The following ALK variants were observed in gnomAD, a reference collection of about 807,000 sequenced individuals.
The protein encoded by ALK is ALK tyrosine kinase receptor.
A neutral mutation model predicts 163.1 loss-of-function variants in ALK; 74 were observed. The ratio of observed to expected loss-of-function variants is 0.45; its 90% confidence interval spans 0.38 to 0.55. The LOEUF is 0.55. Ranked by LOEUF, ALK falls within the 20% of genes least tolerant of loss-of-function variation. The pLI is 0.00. For synonymous variants in ALK, 960 were observed against 843.2 expected (o/e 1.14, Z -2.40); for missense variants, 2,063 against 2,105.3 (o/e 0.98, Z 0.39).
chr2:29,718,500 A>C (rs1354935240), intron 1 of ALK, among the ~76,000 whole-genome samples: 1 of 152,234 alleles, frequency 6.6e-6, no homozygotes. Context: ...TTGTTAAAGA[A>C]GGAAGGATTT....
intron 3 of ALK, among the ~76,000 whole-genome samples, chr2:29,546,106 ATGTC>A (rs1673546198): frequency 6.6e-6 from 1 of 152,200 alleles, no homozygotes; most frequent in African/African-American, 2.4e-5. Flanking sequence ...ATGTATATGT[ATGTC>A]TATGTGTGGA....
At chr2:29,537,585 A>G (rs1451677963) in intron 3 of ALK, among the ~76,000 whole-genome samples, 1 of 152,222 alleles carries the variant, frequency 6.6e-6, no homozygotes, top group Non-Finnish European at 1.5e-5. Flanking sequence ...TACTAGGTCC[A>G]TATCAAGGGA....
chr2:29,232,849 G>A (rs1057328734), intron 14 of ALK, among the ~76,000 whole-genome samples: 1 of 152,144 alleles, frequency 6.6e-6, no homozygotes, highest in Non-Finnish European at 1.5e-5. Flanking sequence ...GGGGTCTCTG[G>A]CTCTGACCCC....
intron 15 of ALK, among the ~76,000 whole-genome samples, chr2:29,230,378 T>C (rs1664163997): frequency 6.6e-6 from 1 of 151,852 alleles, no homozygotes; most frequent in African/African-American, 2.4e-5. Flanking sequence ...GGAGGTATTC[T>C]AAAAACCCTA....
chr2:29,530,658 G>T (rs1214036362), intron 4 of ALK, among the ~76,000 whole-genome samples: 2 of 152,214 alleles, frequency 1.3e-5, no homozygotes, highest in African/African-American at 4.8e-5. Context: ...TCCCATCCAG[G>T]CTTCTTACTG....
intron 4 of ALK, among the ~76,000 whole-genome samples, chr2:29,448,546 C>T: frequency 6.6e-6 from 1 of 152,284 alleles, no homozygotes; most frequent in East Asian, 1.9e-4. Flanking sequence ...CATCCTGGAA[C>T]AGCAGACACT....
At chr2:29,585,086 G>A (rs928246566) in intron 3 of ALK, among the ~76,000 whole-genome samples, 3 of 152,012 alleles carry the variant, frequency 2.0e-5, no homozygotes, top group African/African-American at 7.2e-5. Context: ...ATAGTAACTT[G>A]CTTATCTATG....
intron 3 of ALK, among the ~76,000 whole-genome samples, chr2:29,626,273 C>T (rs551107592): frequency 1.1e-4 from 16 of 152,126 alleles, no homozygotes; most frequent in Non-Finnish European, 2.4e-4. Flanking sequence ...TTGTAATAAT[C>T]CCCACATGTC....
At chr2:29,893,691 A>G (rs1667202499) in intron 1 of ALK, among the ~76,000 whole-genome samples, 2 of 152,142 alleles carry the variant, frequency 1.3e-5, no homozygotes, top group Admixed American at 6.6e-5. Flanking sequence ...AGGCTTCCAG[A>G]TGACTCAGTT....
intron 1 of ALK, among the ~76,000 whole-genome samples, chr2:29,919,727 G>A (rs1432781985): frequency 6.6e-6 from 1 of 152,154 alleles, no homozygotes; most frequent in African/African-American, 2.4e-5. Context: ...CAGCGTATAA[G>A]TCCAGAGAAG....
At chr2:29,660,709 A>G (rs754805246) in intron 3 of ALK, among the ~76,000 whole-genome samples, 2 of 151,944 alleles carry the variant, frequency 1.3e-5, no homozygotes, top group Non-Finnish European at 1.5e-5. Context: ...CAGAAGAGTG[A>G]GTAGAGGCAA....
At chr2:29,396,855 T>TTTTTTTTG (rs1430231369) in intron 4 of ALK, among the ~76,000 whole-genome samples, 1 of 142,796 alleles carries the variant, frequency 7.0e-6, no homozygotes, top group Non-Finnish European at 1.5e-5. Flanking sequence ...TTTTTTTTTT[T>TTTTTTTTG]TTTTTGCTAC....
rs148021075 is a variant in ALK, at chr2:29,385,976, A to G, written c.1155-2117T>C. On this transcript the variant is annotated intron_variant, in intron 4 of 28. Transcript: ENST00000389048. Reference sequence around the variant, plus strand: ...TTAGGCATATCGTCAATCCTGCCACAGTAAATCGGGGGCCCATTTCTGCAT... The same window carrying G: ...TTAGGCATATCGTCAATCCTGCCACGGTAAATCGGGGGCCCATTTCTGCAT... Among the ~76,000 whole-genome samples the G allele has an allele frequency of 5.2e-3, 793 of 152,344 alleles. 10 individuals carry two copies. The highest frequency in any genetic ancestry group is 0.018 in the African/African-American group (764 of 41,568).
At chr2:29,669,884 A>T (rs1421001745) in intron 3 of ALK, among the ~76,000 whole-genome samples, 4 of 140,580 alleles carry the variant, frequency 2.8e-5, no homozygotes, top group Non-Finnish European at 6.3e-5. Flanking sequence ...AAAAAAAACT[A>T]AAAAAAAAAT....
At chr2:29,888,372 A>T (rs546971983) in intron 1 of ALK, among the ~76,000 whole-genome samples, 4 of 152,330 alleles carry the variant, frequency 2.6e-5, no homozygotes, top group Admixed American at 1.3e-4. Flanking sequence ...ATTAGAAGAA[A>T]TATAAACATC....
chr2:29,350,310 T>C (rs938623512), intron 5 of ALK, among the ~76,000 whole-genome samples: 1 of 152,214 alleles, frequency 6.6e-6, no homozygotes, highest in South Asian at 2.1e-4. Flanking sequence ...GACTGTATTA[T>C]TTTATTCTGC....
At chr2:29,195,368 A>G (rs755320427) in intron 28 of ALK, among the ~76,000 whole-genome samples, 5 of 152,190 alleles carry the variant, frequency 3.3e-5, no homozygotes, top group Non-Finnish European at 7.4e-5. Context: ...GCTGAAAGGA[A>G]TAAGAGGATG....
chr2:29,523,946 T>C (rs1003609355), intron 4 of ALK, among the ~76,000 whole-genome samples: 14 of 151,016 alleles, frequency 9.3e-5, no homozygotes, highest in East Asian at 1.9e-4. Flanking sequence ...AGGAAAGGAA[T>C]TGTCCTTTGT....
intron 3 of ALK, among the ~76,000 whole-genome samples, chr2:29,611,144 G>T (rs531383620): frequency 1.3e-5 from 2 of 152,262 alleles, no homozygotes; most frequent in Non-Finnish European, 2.9e-5. Context: ...TGATTTGGGG[G>T]TTCCATGCTG....
Sources: allele counts gnomAD v4.1 joint callset (sites outside exome capture counted in the v4.1 genomes callset), GRCh38; gene constraint gnomAD v4.1.1; transcripts MANE v1.5; gene names NCBI Gene and HGNC (gene_info 2026-07-23, HGNC 2026-07-21).